The following SLC25A21 variants were observed in gnomAD, a reference collection of about 807,000 sequenced individuals.
The protein encoded by SLC25A21 is mitochondrial 2-oxodicarboxylate carrier.
SLC25A21 carries 47 observed loss-of-function variants against 43.8 expected under a neutral mutation model. That is an observed-to-expected ratio of 1.07 (90% confidence interval 0.85 to 1.37). The LOEUF is 1.37. SLC25A21 is among the 40% of genes most tolerant of loss of function. The probability of loss-of-function intolerance (pLI) is 0.00; values close to 1 mark genes in which losing one functional copy is unlikely to be tolerated. For synonymous variants in SLC25A21, 131 were observed against 121.3 expected (o/e 1.08, Z -0.52); for missense variants, 352 against 350.2 (o/e 1.00, Z -0.04).
chr14:36,743,167 G>A (rs1224482399), intron 3 of SLC25A21, among the ~76,000 whole-genome samples: 1 of 151,996 alleles, frequency 6.6e-6, no homozygotes, highest in Non-Finnish European at 1.5e-5. Flanking sequence ...GAACCCTGAT[G>A]GAAAACACTA....
intron 1 of SLC25A21, among the ~76,000 whole-genome samples, chr14:37,019,522 T>C (rs1436306767): frequency 6.6e-6 from 1 of 151,772 alleles, no homozygotes; most frequent in Non-Finnish European, 1.5e-5. Context: ...AAGGCATTGG[T>C]AGTGGGAGCT....
At chr14:36,954,488 CATATAT>C (rs545077548) in intron 1 of SLC25A21, among the ~76,000 whole-genome samples, 7 of 140,038 alleles carry the variant, frequency 5.0e-5, no homozygotes, top group East Asian at 2.0e-4. Flanking sequence ...CACATACATA[CATATAT>C]ATATATAAGA....
chr14:37,149,660 C>T (rs1963725906), intron 1 of SLC25A21, among the ~76,000 whole-genome samples: 1 of 152,108 alleles, frequency 6.6e-6, no homozygotes, highest in Admixed American at 6.5e-5. Context: ...CACTACTGAA[C>T]TCCAGCCTGG....
chr14:36,979,201 T>C (rs1057467143), intron 1 of SLC25A21, among the ~76,000 whole-genome samples: 3 of 152,178 alleles, frequency 2.0e-5, no homozygotes, highest in Admixed American at 2.0e-4. Context: ...TCAAACGAAC[T>C]AGAAAATGGG....
At chr14:37,133,359 C>T (rs1470914342) in intron 1 of SLC25A21, among the ~76,000 whole-genome samples, 2 of 152,092 alleles carry the variant, frequency 1.3e-5, no homozygotes, top group African/African-American at 2.4e-5. Flanking sequence ...TAGTATCACA[C>T]CTTAGCTCAC....
chr14:36,846,112 C>T (rs923487253), intron 2 of SLC25A21, among the ~76,000 whole-genome samples: 7 of 152,034 alleles, frequency 4.6e-5, no homozygotes. Flanking sequence ...ACATTTAAAC[C>T]CCCAAACCAC....
intron 1 of SLC25A21, among the ~76,000 whole-genome samples, chr14:37,103,791 C>A (rs1210614606): frequency 6.6e-6 from 1 of 152,200 alleles, no homozygotes; most frequent in Non-Finnish European, 1.5e-5. Context: ...CAGACAACAT[C>A]CAGTCACTTC....
chr14:36,750,887 A>G (rs1181364115), intron 3 of SLC25A21, among the ~76,000 whole-genome samples: 1 of 152,074 alleles, frequency 6.6e-6, no homozygotes, highest in Non-Finnish European at 1.5e-5. Flanking sequence ...TTTTGAGCCA[A>G]AGACTGCTGA....
intron 1 of SLC25A21, among the ~76,000 whole-genome samples, chr14:37,073,095 A>T (rs1423935584): frequency 6.6e-6 from 1 of 152,250 alleles, no homozygotes; most frequent in African/African-American, 2.4e-5. Flanking sequence ...GTGCAAATAG[A>T]TCACTTTGAC....
chr14:36,995,043 C>G (rs1960341742), intron 1 of SLC25A21, among the ~76,000 whole-genome samples: 1 of 152,136 alleles, frequency 6.6e-6, no homozygotes, highest in African/African-American at 2.4e-5. Flanking sequence ...ACTGGCTCCT[C>G]AAGTTTGTCT....
chr14:36,955,317 T>C (rs1959306386), intron 1 of SLC25A21, among the ~76,000 whole-genome samples: 2 of 152,340 alleles, frequency 1.3e-5, no homozygotes, highest in South Asian at 2.1e-4. Context: ...GAATTTATGC[T>C]AAGTACTTGG....
rs1355584996 is a variant in SLC25A21, at chr14:36,979,324, T to TTTTGTTG, written c.71-104321_71-104320insCAACAAA. On this transcript the variant is annotated intron_variant, in intron 1 of 9. Transcript: ENST00000331299. ...ATCAAAATAACCAATTAAGGTAGTG[T>TTTTGTTG]TTTTTTGGTTTTTTTTTTTACTGTT... Among the ~76,000 whole-genome samples the TTTTGTTG allele has an allele frequency of 9.8e-5, 7 of 71,626 alleles. 1 individual carries two copies. In the African/African-American group the frequency reaches 1.2e-3, roughly 12 times the overall value. The allele number at this position is 71,626 out of a possible 152,430, so 47.0% of individuals were successfully genotyped here. A position where few individuals can be genotyped will look rare whatever the true frequency, so the allele number is the denominator to read the frequency against.
intron 3 of SLC25A21, among the ~76,000 whole-genome samples, chr14:36,780,782 A>T (rs1363831376): frequency 2.0e-5 from 3 of 152,064 alleles, no homozygotes; most frequent in Non-Finnish European, 2.9e-5. Flanking sequence ...TGTGCTTGAG[A>T]AGAATGTGTA....
intron 2 of SLC25A21, among the ~76,000 whole-genome samples, chr14:36,856,510 A>T (rs1339259423): frequency 6.6e-6 from 1 of 152,128 alleles, no homozygotes; most frequent in Non-Finnish European, 1.5e-5. Flanking sequence ...GGGTTGGCCA[A>T]AGCCAAGACA....
chr14:36,746,069 A>G (rs1027019306), intron 3 of SLC25A21, among the ~76,000 whole-genome samples: 3 of 152,204 alleles, frequency 2.0e-5, no homozygotes, highest in Admixed American at 2.0e-4. Flanking sequence ...CTAAAAATAG[A>G]ACTATCATTC....
chr14:36,831,613 T>G (rs867302805), intron 2 of SLC25A21, among the ~76,000 whole-genome samples: 1 of 152,202 alleles, frequency 6.6e-6, no homozygotes, highest in African/African-American at 2.4e-5. Flanking sequence ...TCATATAAAC[T>G]TGGTGACTGA....
chr14:36,885,231 A>G (rs1052500877), intron 1 of SLC25A21, among the ~76,000 whole-genome samples: 5 of 152,278 alleles, frequency 3.3e-5, no homozygotes, highest in African/African-American at 1.2e-4. Flanking sequence ...TGCTTTTTCC[A>G]TTGTATGTTC....
chr14:36,805,487 T>A (rs1888005355), intron 3 of SLC25A21, among the ~76,000 whole-genome samples: 2 of 152,184 alleles, frequency 1.3e-5, no homozygotes, highest in South Asian at 4.1e-4. Context: ...AAATTCATCA[T>A]CTGCTCCCTG....
intron 6 of SLC25A21, among the ~76,000 whole-genome samples, chr14:36,712,425 C>T (rs1257161276): frequency 3.3e-5 from 5 of 151,516 alleles, no homozygotes; most frequent in South Asian, 2.1e-4. Flanking sequence ...AGGTTGTTAG[C>T]GTGGTTGTGG....
Sources: allele counts gnomAD v4.1 joint callset (sites outside exome capture counted in the v4.1 genomes callset), GRCh38; gene constraint gnomAD v4.1.1; transcripts MANE v1.5; gene names NCBI Gene and HGNC (gene_info 2026-07-23, HGNC 2026-07-21).